The following TXLNB variants were observed in gnomAD, a reference collection of about 807,000 sequenced individuals.
TXLNB encodes beta-taxilin.
TXLNB carries 37 observed loss-of-function variants against 57.4 expected under a neutral mutation model. The observed-to-expected ratio is 0.64, with a 90% confidence interval of 0.50 to 0.85. TXLNB has a LOEUF of 0.85. TXLNB is among the 40% of genes least tolerant of loss of function. The pLI is 0.00. For missense variants in TXLNB, 848 were observed against 825.6 expected (o/e 1.03, Z -0.33); for synonymous variants, 302 against 309.6 (o/e 0.98, Z 0.26).
the TXLNB span, chr6:139,177,308 A>T: frequency 2.3e-6 from 1 of 443,454 alleles, no homozygotes; most frequent in Admixed American, 3.5e-5. The surrounding 1 kb of genome is among the most constrained non-coding windows in gnomAD (Gnocchi z 4.9). Flanking sequence ...CAGAGCCCAG[A>T]TGGGTAATCC....
chr6:139,294,585 G>T (rs1777357430), upstream of TXLNB, among the ~76,000 whole-genome samples: 1 of 152,122 alleles, frequency 6.6e-6, no homozygotes, highest in Non-Finnish European at 1.5e-5. Context: ...TTACCCCTCT[G>T]CCATGTGAGG....
rs772713083 is a variant in TXLNB at position 139,247,889 on chromosome 6, C to T, written c.1098G>A (p.Arg366=). 3.2e-5 allele frequency: 51 copies of T among 1,606,152 alleles called. No individual in the cohort carries two copies. The highest frequency in any genetic ancestry group is 4.0e-5 in the Non-Finnish European group (47 of 1,175,976). The part of the protein sequence containing the change: ...LQAQLTLYSG[R]FEEFQSTLTK... Reference sequence around the variant, plus strand: ...TTAGTGTGCTCTGGAATTCTTCAAACCTTCCTGAGTAGAGAGTGAGCTGTA... The same window carrying T: ...TTAGTGTGCTCTGGAATTCTTCAAATCTTCCTGAGTAGAGAGTGAGCTGTA... Residue 366 remains arginine (R), a synonymous_variant, in exon 8 of 10, where the codon AGG becomes AGA. Coordinates refer to ENST00000358430, the MANE Select transcript of TXLNB (RefSeq NM_153235.4).
At chr6:139,165,141 A>G in the TXLNB span, among the ~76,000 whole-genome samples, 1 of 152,316 alleles carries the variant, frequency 6.6e-6, no homozygotes, top group East Asian at 1.9e-4. Flanking sequence ...ATGCCCATTT[A>G]TGGTTGAGGA....
downstream of TXLNB, among the ~76,000 whole-genome samples, chr6:139,238,131 C>T (rs545205759): frequency 8.5e-5 from 13 of 152,250 alleles, no homozygotes; most frequent in East Asian, 1.2e-3. Flanking sequence ...TGGTGGCTCA[C>T]GCCTGCAATC....
intron 5 of TXLNB, among the ~76,000 whole-genome samples, chr6:139,261,398 A>G (rs970089197): frequency 7.2e-5 from 11 of 152,122 alleles, no homozygotes; most frequent in African/African-American, 1.7e-4. Context: ...CACCGCGACC[A>G]TATGCTGTTG....
the TXLNB span, chr6:139,167,383 A>G: frequency 7.5e-6 from 10 of 1,327,336 alleles, no homozygotes; most frequent in East Asian, 1.9e-4. Context: ...ACAACAAACA[A>G]GACAGATTGC....
intron 4 of TXLNB, among the ~76,000 whole-genome samples, chr6:139,265,137 C>T (rs1400045210): frequency 6.6e-6 from 1 of 152,114 alleles, no homozygotes; most frequent in African/African-American, 2.4e-5. Flanking sequence ...TTTAATGAAT[C>T]AGTGAATTAT....
At chr6:139,238,527 C>G (rs115526978), downstream of TXLNB, among the ~76,000 whole-genome samples, 1 of 152,148 alleles carries the variant, frequency 6.6e-6, no homozygotes, top group Non-Finnish European at 1.5e-5. Flanking sequence ...GTGACAGAAG[C>G]TAGCATTTGT....
the TXLNB span, chr6:139,180,021 C>G: frequency 6.6e-6 from 1 of 152,316 alleles, no homozygotes; most frequent in Admixed American, 6.5e-5. Context: ...GGCCATCTCA[C>G]CTCTTCATTC....
chr6:139,263,534 C>T (rs1032068565), intron 4 of TXLNB, among the ~76,000 whole-genome samples: 4 of 152,072 alleles, frequency 2.6e-5, no homozygotes, highest in Non-Finnish European at 4.4e-5. Context: ...TTCCTTCTTC[C>T]GCTTTGTTAA....
At chr6:139,287,155 T>C (rs2114636547) in intron 2 of TXLNB, 1 of 152,890 alleles carries the variant, frequency 6.5e-6, no homozygotes, top group Middle Eastern at 3.4e-3. Context: ...GGCAAGAAAG[T>C]TGGAGATGTG....
In TXLNB at chr6:139,242,594, G is replaced by A; in HGVS notation, c.1987C>T (p.Pro663Ser). The A allele has an allele frequency of 1.3e-6, 2 of 1,549,576 alleles. No homozygotes were observed. The highest frequency in any genetic ancestry group is 1.4e-5 in the African/African-American group (1 of 72,308). The change falls in exon 10 of 10, where the codon CCA becomes TCA. Residue 663 changes from proline (P) to serine (S), a missense_variant. By Grantham distance (74) the Pro-to-Ser change is moderately conservative. Transcript: ENST00000358430. ...TGGGGCCCAGCTGAGGCCCCTACTG[G>A]CAGCTCCTCTGCTGCTGCTCGTGGG... The part of the protein sequence containing the change: ...QPPRAAAEEL[P>S]VGASAGPQPR...
At chr6:139,223,861 G>C in the TXLNB span, among the ~76,000 whole-genome samples, 2 of 151,650 alleles carry the variant, frequency 1.3e-5, no homozygotes, top group Admixed American at 1.3e-4. Context: ...CTGTAAACTA[G>C]TTCAACCATT....
chr6:139,181,936 TTTTA>T, the TXLNB span, among the ~76,000 whole-genome samples: 1 of 152,246 alleles, frequency 6.6e-6, no homozygotes, highest in African/African-American at 2.4e-5. Context: ...TTTGATCTGA[TTTTA>T]TTTTTGACAA....
chr6:139,208,612 T>C, the TXLNB span, among the ~76,000 whole-genome samples: 87 of 152,352 alleles, frequency 5.7e-4, no homozygotes, highest in East Asian at 8.3e-3. Flanking sequence ...GTGGGTTTCA[T>C]ATGGGTTTAC....
chr6:139,197,276 AT>A, the TXLNB span, among the ~76,000 whole-genome samples: 2 of 152,208 alleles, frequency 1.3e-5, no homozygotes, highest in African/African-American at 2.4e-5. Context: ...CAAGGCACTT[AT>A]GACCAACTAA....
At chr6:139,266,814 G>A (rs1273272108) in intron 4 of TXLNB, among the ~76,000 whole-genome samples, 3 of 152,132 alleles carry the variant, frequency 2.0e-5, no homozygotes, top group Non-Finnish European at 2.9e-5. Context: ...AGCAGTAAAA[G>A]TTCTGAAAAC....
At chr6:139,317,787 A>G in the TXLNB span, among the ~76,000 whole-genome samples, 2 of 152,204 alleles carry the variant, frequency 1.3e-5, no homozygotes, top group Non-Finnish European at 2.9e-5. Context: ...AAATGATCCA[A>G]TGAAAGTTAT....
intron 1 of TXLNB, 54 bp downstream of exon 1, chr6:139,291,867 A>C (rs1741230997): frequency 6.6e-6 from 1 of 152,206 alleles, no homozygotes; most frequent in African/African-American, 2.4e-5. Context: ...CGAACACCAC[A>C]AACCGCACCC....
Sources: gnomAD v4.1 joint callset for allele counts (sites outside exome capture counted in the v4.1 genomes callset) on GRCh38, gnomAD v4.1.1 for gene constraint, Gnocchi (gnomAD v3.1) non-coding constraint, MANE v1.5 for transcripts, NCBI Gene and HGNC (gene_info 2026-07-23, HGNC 2026-07-21) for gene names.